MGAM2: variants seen among roughly 807,000 people sequenced by gnomAD.
MGAM2 encodes the protein probable maltase-glucoamylase 2.
Under a neutral mutation model 96.1 loss-of-function variants are expected in MGAM2, and 98 were observed. That is an observed-to-expected ratio of 1.02 (90% CI 0.87 to 1.21). The LOEUF is 1.21. Ranked by LOEUF, MGAM2 falls within the 50% of genes most tolerant of loss-of-function variation. The pLI is 0.00. For missense variants in MGAM2, 2,055 were observed against 1,182.4 expected, an observed-to-expected ratio of 1.74 and a Z score of -10.82; for synonymous variants, 749 against 414.8, an observed-to-expected ratio of 1.81 and a Z score of -9.79.
chr7:142,134,057 G>A lies in MGAM2; in HGVS notation c.652G>A (p.Val218Met). ...GTCTTTCCGACTGCCCAGTGCCAAT[G>A]TGTATGGGCTGGGAGAGCATGTGCA... ...QLSFRLPSAN[V>M]YGLGEHVHQQ... The change falls in exon 7 of 48, where the codon GTG becomes ATG. Residue 218 changes from valine (V) to methionine (M), a missense_variant. Val to Met is a conservative substitution (Grantham distance 21). Coordinates refer to ENST00000477922, the MANE Select transcript of MGAM2 (RefSeq NM_001293626.2). The A allele has an allele frequency of 1.3e-6, 1 of 760,912 alleles. No homozygotes were observed. The highest frequency in any genetic ancestry group is 2.4e-5 in the East Asian group (1 of 41,088). The allele number at this position is 760,912 out of a possible 1,614,324, so 47.1% of individuals were successfully genotyped here.
At position 142,199,860 on chromosome 7, in the gene MGAM2, CTTTTT is replaced by C. The variant is rs370452030; in HGVS notation, c.5049-10_5049-6del. On this transcript the variant is annotated splice_polypyrimidine_tract_variant and intron_variant, in intron 44 of 47. Transcript: ENST00000477922. Reference sequence around the variant, plus strand: ...ACCTACAATCTAGAGAAAAATAACTCTTTTTTTTTTTTTTGGTAGTCGACAAAATT... The same window carrying C: ...ACCTACAATCTAGAGAAAAATAACTCTTTTTTTTTGGTAGTCGACAAAATT... The C allele has an allele frequency of 3.7e-5, 22 of 589,916 alleles. No homozygotes were observed. The highest frequency in any genetic ancestry group is 5.1e-5 in the Non-Finnish European group (17 of 332,636). 36.5% of individuals were successfully genotyped at this position (589,916 alleles called of 1,614,324 possible). A position where few individuals can be genotyped will look rare whatever the true frequency, so the allele number is the denominator to read the frequency against.
intron 32 of MGAM2, 41 bp from the exon 33 acceptor site, chr7:142,183,225 T>A (rs1385675593): frequency 2.9e-6 from 2 of 682,422 alleles, no homozygotes; most frequent in Non-Finnish European, 5.3e-6. Flanking sequence ...TTCTTAGAGA[T>A]GTTTTCCTCA....
intron 26 of MGAM2, among the ~76,000 whole-genome samples, chr7:142,168,168 C>A (rs1346670769): frequency 6.6e-6 from 1 of 152,144 alleles, no homozygotes; most frequent in African/African-American, 2.4e-5. Flanking sequence ...GCATCAGAAT[C>A]ACCTTCAGAT....
chr7:142,196,615 A>C lies in MGAM2; in HGVS notation c.4515+16A>C. ...AATACCTTATGTAAGTCACATTCAG[A>C]CCATTACTAATTGCCCAGTCAGATT... On this transcript the variant is annotated intron_variant, in intron 39 of 47. Transcript: ENST00000477922. The C allele has an allele frequency of 1.4e-6, 1 of 728,440 alleles. No individual in the cohort carries two copies. Among genetic ancestry groups the C allele is most frequent in the Non-Finnish European group, 2.5e-6 (1 of 394,720 alleles). The allele number at this position is 728,440 out of a possible 1,614,324, so 45.1% of individuals were successfully genotyped here.
chr7:142,189,780 G>A (rs115068632), intron 37 of MGAM2, among the ~76,000 whole-genome samples: 1,584 of 152,258 alleles, frequency 0.01, 34 homozygotes, highest in African/African-American at 0.036. Context: ...TTCAGAACTC[G>A]AAAAGGAAAA....
chr7:142,218,954 G>A (rs1162804214), intron 47 of MGAM2, among the ~76,000 whole-genome samples: 1 of 152,168 alleles, frequency 6.6e-6, no homozygotes, highest in Non-Finnish European at 1.5e-5. Flanking sequence ...TCAAATTGAT[G>A]GATCTTATAG....
In MGAM2 at chr7:142,114,446, T is replaced by C. The variant is rs549052737; in HGVS notation, c.1-2428T>C. The stretch of plus-strand genomic sequence containing the variant: ...AAAACACAGCCAAGCCAATAACACA[T>C]GAGGAAGGGAATACAGAAAGTGTGG... On this transcript the variant is annotated intron_variant, in intron 1 of 47. Transcript: ENST00000477922. 3.3e-5 allele frequency among the ~76,000 whole-genome samples: 5 copies of C among 151,694 alleles called. No homozygotes were observed. The South Asian group carries it at 6.3e-4, about 19-fold the overall frequency.
chr7:142,136,189 T>A (rs1277351512), intron 7 of MGAM2, among the ~76,000 whole-genome samples: 1 of 152,168 alleles, frequency 6.6e-6, no homozygotes, highest in Non-Finnish European at 1.5e-5. Flanking sequence ...ACCTACTTTC[T>A]GTCCCTATAG....
At chr7:142,174,893 A>G (rs73158456) in intron 31 of MGAM2, among the ~76,000 whole-genome samples, 18,123 of 151,414 alleles carry the variant, frequency 0.12, 1,176 homozygotes, top group African/African-American at 0.15. Context: ...TTTTTTAAAT[A>G]TTTTTAGTAG....
At chr7:142,150,143 G>A (rs940881462) in intron 15 of MGAM2, among the ~76,000 whole-genome samples, 6 of 151,804 alleles carry the variant, frequency 4.0e-5, no homozygotes, top group Admixed American at 3.3e-4. Context: ...GTTTCTCCAT[G>A]TTGGTCAGGC....
At chr7:142,172,575 A>C (rs1796230134) in intron 29 of MGAM2, 77 bp from the exon 30 acceptor site, 3 of 608,014 alleles carry the variant, frequency 4.9e-6, no homozygotes, top group Non-Finnish European at 8.8e-6. Flanking sequence ...TGAAGAAAGC[A>C]AATCTTAGAG....
At chr7:142,149,779 G>A (rs1217676710) in intron 15 of MGAM2, among the ~76,000 whole-genome samples, 1 of 151,932 alleles carries the variant, frequency 6.6e-6, no homozygotes, top group Non-Finnish European at 1.5e-5. Context: ...CTGACCTCAT[G>A]ATTCACCCGC....
In MGAM2 at chr7:142,128,446, G is replaced by A. The variant is rs187191391; in HGVS notation, c.187-2502G>A. 1.2e-4 allele frequency among the ~76,000 whole-genome samples: 18 copies of A among 152,312 alleles called. No homozygotes were observed. The East Asian group carries it at 3.1e-3, about 26-fold the overall frequency. ...GTCAAATGGTAATTGCCAAGACAACGGGAAAAATGGCTCCAGGGCGTCAGA... is the reference window on the plus strand; with the variant it reads ...GTCAAATGGTAATTGCCAAGACAACAGGAAAAATGGCTCCAGGGCGTCAGA... On this transcript the variant is annotated intron_variant, in intron 3 of 47. Coordinates refer to ENST00000477922, the MANE Select transcript of MGAM2 (RefSeq NM_001293626.2).
Position 142,196,178 on chromosome 7 carries a change from G to A in MGAM2, c.4371G>A (p.Gln1457=), listed in dbSNP as rs763307689. 11 of 1,207,572 alleles carry A rather than the reference G, an allele frequency of 9.1e-6. No individual in the cohort carries two copies. The East Asian group carries it at 1.8e-4, about 19-fold the overall frequency. 74.8% of individuals were successfully genotyped at this position (1,207,572 alleles called of 1,614,324 possible). ...TYEAVQEVTG[Q]RGVIITRSTF... is the part of the protein sequence containing the mutation. ...GAGCTGTGCAGGAGGTGACAGGACA[G>A]CGAGGGGTCATCATCACCCGCTCCA... is the stretch of plus-strand genomic sequence containing the variant. Residue 1457 remains glutamine (Q), a synonymous_variant, in exon 38 of 48, where the codon CAG becomes CAA. Coordinates refer to ENST00000477922, the MANE Select transcript of MGAM2 (RefSeq NM_001293626.2).
chr7:142,153,703 A>G (rs1311385900), intron 15 of MGAM2, among the ~76,000 whole-genome samples: 2 of 152,226 alleles, frequency 1.3e-5, no homozygotes, highest in Non-Finnish European at 2.9e-5. Flanking sequence ...TGGTTCCAAT[A>G]TACTGTTGAC....
intron 33 of MGAM2, among the ~76,000 whole-genome samples, chr7:142,183,708 C>T (rs1027802060): frequency 4.6e-5 from 7 of 152,132 alleles, no homozygotes; most frequent in Admixed American, 6.5e-5. Context: ...ATGCGTTCAC[C>T]TTTGACCTAT....
intron 3 of MGAM2, among the ~76,000 whole-genome samples, chr7:142,124,100 GTAGCTGGGATTA>G (rs1022312576): frequency 1.3e-5 from 2 of 150,772 alleles, no homozygotes; most frequent in African/African-American, 4.9e-5. Context: ...AGCTTCCTGA[GTAGCTGGGATTA>G]TAGGCACCCG....
intron 45 of MGAM2, chr7:142,208,076 A>G (rs1797463924): frequency 2.4e-6 from 1 of 424,622 alleles, no homozygotes; most frequent in South Asian, 1.7e-5. Context: ...AGGTACTATT[A>G]TCTCCATTCT....
At chr7:142,216,338 T>G (rs1032543081) in intron 46 of MGAM2, among the ~76,000 whole-genome samples, 6 of 152,236 alleles carry the variant, frequency 3.9e-5, no homozygotes, top group Non-Finnish European at 7.3e-5. Context: ...GGAGAGACAC[T>G]GTTTAATCTG....
Sources: allele counts gnomAD v4.1 joint callset (sites outside exome capture counted in the v4.1 genomes callset), GRCh38; gene constraint gnomAD v4.1.1; transcripts MANE v1.5; gene names NCBI Gene and HGNC (gene_info 2026-07-23, HGNC 2026-07-21).